Variants in MAST4 observed in about 807,000 individuals in gnomAD.
MAST4 encodes the protein microtubule associated serine/threonine kinase family member 4, also known as microtubule-associated serine/threonine-protein kinase 4.
In MAST4, 89 loss-of-function variants were observed where a neutral mutation model predicts 162.7. The ratio of observed to expected loss-of-function variants is 0.55; its 90% confidence interval spans 0.46 to 0.65. The LOEUF (loss-of-function observed/expected upper bound fraction) is 0.65. MAST4 is among the 30% of genes least tolerant of loss of function. MAST4 has a pLI of 0.00. For synonymous variants in MAST4, 1,479 were observed against 1,361.1 expected (o/e 1.09, Z -1.91); for missense variants, 3,153 against 3,374.0 (o/e 0.93, Z 1.62).
At chr5:67,033,053 A>G (rs1380823365) in intron 4 of MAST4, among the ~76,000 whole-genome samples, 2 of 152,114 alleles carry the variant, frequency 1.3e-5, no homozygotes, top group East Asian at 3.8e-4. Context: ...TTTCAGATTA[A>G]GAATGAATGG....
intron 2 of MAST4, among the ~76,000 whole-genome samples, chr5:66,778,790 T>A (rs1171430443): frequency 6.6e-6 from 1 of 152,240 alleles, no homozygotes; most frequent in East Asian, 1.9e-4. Flanking sequence ...TGGTTCACAG[T>A]GGCAGTGGCA....
intron 11 of MAST4, among the ~76,000 whole-genome samples, chr5:67,110,433 A>G (rs2150902993): frequency 6.6e-6 from 1 of 152,332 alleles, no homozygotes; most frequent in South Asian, 2.1e-4. Context: ...TTCTAGTCAA[A>G]CTTGAAATAT....
chr5:67,143,480 C>T (rs767644435), intron 21 of MAST4, among the ~76,000 whole-genome samples: 8 of 152,084 alleles, frequency 5.3e-5, no homozygotes, highest in East Asian at 1.9e-4. Context: ...CTAGGAAAAA[C>T]GGAAATCAAC....
At chr5:66,913,072 GA>G in intron 4 of MAST4, among the ~76,000 whole-genome samples, 1 of 152,184 alleles carries the variant, frequency 6.6e-6, no homozygotes, top group Non-Finnish European at 1.5e-5. Context: ...GTATAGTAGT[GA>G]GGTTTCCCCA....
chr5:66,984,758 G>T (rs1184036557), intron 4 of MAST4, among the ~76,000 whole-genome samples: 1 of 151,872 alleles, frequency 6.6e-6, no homozygotes, highest in African/African-American at 2.4e-5. Context: ...GTTGGAGGAT[G>T]GGGGCGGGGC....
At chr5:66,728,192 A>G (rs1426166043) in intron 1 of MAST4, among the ~76,000 whole-genome samples, 1 of 152,186 alleles carries the variant, frequency 6.6e-6, no homozygotes, top group Non-Finnish European at 1.5e-5. Context: ...TACTTTGCTC[A>G]TTTTAATTTG....
chr5:66,641,672 A>G (rs1462550982), intron 1 of MAST4, among the ~76,000 whole-genome samples: 1 of 152,224 alleles, frequency 6.6e-6, no homozygotes, highest in Non-Finnish European at 1.5e-5. Flanking sequence ...TTGTCAAACC[A>G]GAAAACAAGG....
intron 1 of MAST4, among the ~76,000 whole-genome samples, chr5:66,752,790 C>T (rs1326676242): frequency 1.5e-4 from 22 of 150,328 alleles, no homozygotes; most frequent in Admixed American, 3.3e-4. Context: ...CTGCACCAAG[C>T]GGACCTAATA....
intron 1 of MAST4, among the ~76,000 whole-genome samples, chr5:66,692,415 T>C (rs945008656): frequency 6.8e-4 from 66 of 97,374 alleles, no homozygotes; most frequent in Non-Finnish European, 1.1e-3. Flanking sequence ...TGCTCTCTTT[T>C]TTTTTTTTTT....
At chr5:66,828,931 A>C (rs1180968278) in intron 3 of MAST4, 3 of 1,465,338 alleles carry the variant, frequency 2.0e-6, no homozygotes, top group Middle Eastern at 1.7e-4. Flanking sequence ...GTGGCCAGCC[A>C]TTGAGGATTT....
intron 4 of MAST4, among the ~76,000 whole-genome samples, chr5:66,961,278 TTTAA>T (rs1266659286): frequency 6.6e-6 from 1 of 152,252 alleles, no homozygotes; most frequent in African/African-American, 2.4e-5. Context: ...TGTATATAAA[TTTAA>T]TTATCTGGGA....
At chr5:66,792,720 G>A (rs1755473660) in intron 3 of MAST4, among the ~76,000 whole-genome samples, 1 of 152,122 alleles carries the variant, frequency 6.6e-6, no homozygotes, top group African/African-American at 2.4e-5. Flanking sequence ...TTTCACATCA[G>A]CCACTCAAAA....
At chr5:66,696,737 T>TG (rs1554043623) in intron 1 of MAST4, among the ~76,000 whole-genome samples, 1 of 129,350 alleles carries the variant, frequency 7.7e-6, no homozygotes, top group Non-Finnish European at 1.6e-5. Context: ...AATACCGAGA[T>TG]ATCATCTGCA....
intron 1 of MAST4, among the ~76,000 whole-genome samples, chr5:66,709,068 A>T (rs535839350): frequency 6.6e-6 from 1 of 152,284 alleles, no homozygotes; most frequent in Non-Finnish European, 1.5e-5. Flanking sequence ...AAGGCACCTG[A>T]AATATTTTTT....
chr5:66,838,735 G>A (rs1395669269), intron 3 of MAST4, among the ~76,000 whole-genome samples: 4 of 152,140 alleles, frequency 2.6e-5, no homozygotes, highest in Admixed American at 6.6e-5. Context: ...GATTCTAGGC[G>A]GAGGAAGCAA....
intron 5 of MAST4, among the ~76,000 whole-genome samples, chr5:67,076,109 A>G (rs1761615716): frequency 6.6e-6 from 1 of 152,100 alleles, no homozygotes; most frequent in Non-Finnish European, 1.5e-5. Context: ...GAAAAAAAAA[A>G]TTGAGCATGA....
intron 3 of MAST4, among the ~76,000 whole-genome samples, chr5:66,817,086 T>C (rs1756765709): frequency 6.6e-6 from 1 of 152,172 alleles, no homozygotes; most frequent in Admixed American, 6.5e-5. Flanking sequence ...TCTCCACTTA[T>C]CTCCTTGTAT....
chr5:67,025,286 A>G (rs1253535483), intron 4 of MAST4, among the ~76,000 whole-genome samples: 2 of 152,196 alleles, frequency 1.3e-5, no homozygotes, highest in South Asian at 2.1e-4. Context: ...AGGCATGTCT[A>G]GTAACTACCG....
chr5:67,135,107 A>G (rs1271616910), intron 18 of MAST4, among the ~76,000 whole-genome samples: 1 of 152,226 alleles, frequency 6.6e-6, no homozygotes, highest in African/African-American at 2.4e-5. Context: ...TGAAGAAGTT[A>G]ACAAAAATGT....
Sources: allele counts gnomAD v4.1 joint callset (sites outside exome capture counted in the v4.1 genomes callset), GRCh38; gene constraint gnomAD v4.1.1; transcripts MANE v1.5; gene names NCBI Gene and HGNC (gene_info 2026-07-23, HGNC 2026-07-21).